Variants in RNF150 observed in about 807,000 individuals in gnomAD.
RNF150 encodes the protein ring finger protein 150.
A neutral mutation model predicts 39.3 loss-of-function variants in RNF150; 24 were observed. The ratio of observed to expected loss-of-function variants is 0.61; its 90% CI spans 0.44 to 0.86. The LOEUF (loss-of-function observed/expected upper bound fraction) is 0.86. RNF150 is among the 40% of genes least tolerant of loss of function. The pLI is 0.00. For missense variants in RNF150, 502 were observed against 587.8 expected (o/e 0.85, Z 1.51); for synonymous variants, 255 against 227.3 (o/e 1.12, Z -1.10).
chr4:141,133,604 C>A (rs1419509918), upstream of RNF150: 1 of 152,170 alleles, frequency 6.6e-6, no homozygotes, highest in Non-Finnish European at 1.5e-5. Context: ...CCTGTCGGGT[C>A]TCAAATTCAA....
chr4:141,075,503 T>C (rs1226573006), intron 1 of RNF150, among the ~76,000 whole-genome samples: 1 of 152,252 alleles, frequency 6.6e-6, no homozygotes, highest in Non-Finnish European at 1.5e-5. Context: ...CTAATCCCAG[T>C]CTATTAATCA....
At chr4:140,967,354 T>C (rs1733285387) in intron 2 of RNF150, among the ~76,000 whole-genome samples, 1 of 152,132 alleles carries the variant, frequency 6.6e-6, no homozygotes, top group African/African-American at 2.4e-5. Flanking sequence ...CACTTCCTTT[T>C]GTTCCCCTCA....
intron 1 of RNF150, among the ~76,000 whole-genome samples, chr4:141,139,531 A>G (rs1727081458): frequency 1.3e-5 from 2 of 152,250 alleles, no homozygotes; most frequent in Admixed American, 6.5e-5. Flanking sequence ...GAGCTGTTCA[A>G]GAAAGATGTC....
chr4:141,117,392 G>A (rs369509126), intron 1 of RNF150, among the ~76,000 whole-genome samples: 1 of 152,110 alleles, frequency 6.6e-6, no homozygotes, highest in Non-Finnish European at 1.5e-5. Context: ...GTTTAGACAT[G>A]TTTATATATG....
intron 1 of RNF150, among the ~76,000 whole-genome samples, chr4:140,998,524 A>G (rs1734466138): frequency 6.6e-6 from 1 of 152,184 alleles, no homozygotes; most frequent in Non-Finnish European, 1.5e-5. Flanking sequence ...GGCTACCCAG[A>G]CTGTGGCATT....
chr4:140,919,144 C>G (rs1018615097), intron 5 of RNF150, among the ~76,000 whole-genome samples: 1 of 142,154 alleles, frequency 7.0e-6, no homozygotes, highest in African/African-American at 2.6e-5. Flanking sequence ...GATGCCCTCT[C>G]TCACCACACC....
In RNF150 at chr4:140,976,661, A is replaced by T. The variant is rs1733675282; in HGVS notation, c.485-8788T>A. 2.0e-5 allele frequency among the ~76,000 whole-genome samples: 3 copies of T among 151,360 alleles called. No individual in the cohort carries two copies. The South Asian group carries it at 6.3e-4, about 32-fold the overall frequency. On this transcript the variant is annotated intron_variant, in intron 1 of 6. Transcript: ENST00000515673. ...ACCCTATTACTCCCCTCTACTTTCTATCCATCAACCCTCTCCTGGCCTCCC... is the reference window on the plus strand; with the variant it reads ...ACCCTATTACTCCCCTCTACTTTCTTTCCATCAACCCTCTCCTGGCCTCCC...
intron 1 of RNF150, among the ~76,000 whole-genome samples, chr4:141,007,678 A>T (rs1330536803): frequency 6.6e-6 from 1 of 152,210 alleles, no homozygotes; most frequent in Non-Finnish European, 1.5e-5. Flanking sequence ...GACCAAAGGC[A>T]GATTCAAAAG....
chr4:141,140,740 T>C (rs1013017398), intron 1 of RNF150, among the ~76,000 whole-genome samples: 2 of 152,176 alleles, frequency 1.3e-5, no homozygotes, highest in South Asian at 4.1e-4. Flanking sequence ...TTGTACTGTG[T>C]TAAAATTACC....
intron 1 of RNF150, among the ~76,000 whole-genome samples, chr4:141,103,970 A>AT (rs771136819): frequency 6.6e-6 from 1 of 152,128 alleles, no homozygotes; most frequent in Non-Finnish European, 1.5e-5. Context: ...AAAGTAGTTC[A>AT]TTTTTCTTCA....
chr4:141,183,195 A>G (rs1727941158), intron 1 of RNF150, among the ~76,000 whole-genome samples: 1 of 151,954 alleles, frequency 6.6e-6, no homozygotes, highest in African/African-American at 2.4e-5. Flanking sequence ...TTGTGTACTT[A>G]TCTTCAAAGG....
Position 140,860,811 on chromosome 4 carries a change from T to G in RNF150, c.*7450A>C, listed in dbSNP as rs1027960354. ...AAAATAAGTTATTTCTTTTTCACATTTTTGCAACTGGCAATTGCTGGTTAT... is the reference window on the plus strand; with the variant it reads ...AAAATAAGTTATTTCTTTTTCACATGTTTGCAACTGGCAATTGCTGGTTAT... On this transcript the variant is annotated 3_prime_UTR_variant, in exon 7 of 7. Transcript: ENST00000515673. 5 of 152,194 alleles carry G rather than the reference T, an allele frequency of 3.3e-5. No homozygotes were observed. The highest frequency in any genetic ancestry group is 7.3e-5 in the Non-Finnish European group (5 of 68,036). 9.4% of individuals were successfully genotyped at this position (152,194 alleles called of 1,614,324 possible). A position where few individuals can be genotyped will look rare whatever the true frequency, so the allele number is the denominator to read the frequency against.
intron 1 of RNF150, among the ~76,000 whole-genome samples, chr4:141,071,889 T>C (rs910956138): frequency 1.1e-4 from 16 of 152,044 alleles, no homozygotes; most frequent in African/African-American, 3.6e-4. Flanking sequence ...CCTGGTAACA[T>C]TTATTTTTTA....
intron 1 of RNF150, among the ~76,000 whole-genome samples, chr4:141,177,765 G>A (rs2572223): frequency 0.93 from 142,065 of 152,228 alleles, 67,079 homozygotes; most frequent in Non-Finnish European, 1. Context: ...TTAACTGTTC[G>A]GCTCATTTCA....
chr4:141,186,426 G>T (rs999670332), intron 1 of RNF150, among the ~76,000 whole-genome samples: 1 of 151,836 alleles, frequency 6.6e-6, no homozygotes, highest in Non-Finnish European at 1.5e-5. Flanking sequence ...TTGAGAGGGG[G>T]TCTCTCCCTT....
At chr4:141,190,744 A>C (rs1728098043) in intron 1 of RNF150, among the ~76,000 whole-genome samples, 1 of 152,212 alleles carries the variant, frequency 6.6e-6, no homozygotes, top group Admixed American at 6.5e-5. Context: ...ACATTTAACA[A>C]ATAGTTATTG....
intron 1 of RNF150, among the ~76,000 whole-genome samples, chr4:141,200,226 G>A (rs185899576): frequency 6.6e-5 from 10 of 152,248 alleles, no homozygotes; most frequent in Non-Finnish European, 1.3e-4. Context: ...GTTACAGACT[G>A]TCTTCTTCTT....
intron 6 of RNF150, among the ~76,000 whole-genome samples, chr4:140,900,210 T>TG (rs1730140484): frequency 6.6e-6 from 1 of 152,136 alleles, no homozygotes; most frequent in African/African-American, 2.4e-5. Context: ...CATAGAGCAG[T>TG]TGTCTATGGG....
intron 6 of RNF150, among the ~76,000 whole-genome samples, chr4:140,901,416 C>T (rs1250262556): frequency 1.3e-5 from 2 of 152,174 alleles, no homozygotes; most frequent in East Asian, 1.9e-4. Context: ...GTCATACTAT[C>T]GTTCTGGAGA....
Sources: allele counts gnomAD v4.1 joint callset (sites outside exome capture counted in the v4.1 genomes callset), GRCh38; gene constraint gnomAD v4.1.1; transcripts MANE v1.5; gene names NCBI Gene and HGNC (gene_info 2026-07-23, HGNC 2026-07-21).